Variants in ADAMTS2 observed in about 807,000 individuals in gnomAD.
ADAMTS2 encodes the protein A disintegrin and metalloproteinase with thrombospondin motifs 2.
A neutral mutation model predicts 123.0 loss-of-function variants in ADAMTS2; 50 were observed. That is an observed-to-expected ratio of 0.41 (90% CI 0.32 to 0.51). The LOEUF is 0.51. Among genes scored for constraint, ADAMTS2 ranks in the 20% least tolerant of loss-of-function variants. The probability of loss-of-function intolerance (pLI) is 0.35; values close to 1 mark genes in which losing one functional copy is unlikely to be tolerated. For missense variants in ADAMTS2, 1,494 were observed against 1,705.2 expected (o/e 0.88, Z 2.18); for synonymous variants, 678 against 695.4 (o/e 0.98, Z 0.39).
chr5:179,266,817 G>A (rs1193057231), intron 3 of ADAMTS2, among the ~76,000 whole-genome samples: 2 of 152,196 alleles, frequency 1.3e-5, no homozygotes, highest in African/African-American at 4.8e-5. Flanking sequence ...GTGTCAGTGG[G>A]GCTGGCTATC....
At chr5:179,139,080 C>G (rs1763115616) in intron 11 of ADAMTS2, among the ~76,000 whole-genome samples, 1 of 152,238 alleles carries the variant, frequency 6.6e-6, no homozygotes, top group African/African-American at 2.4e-5. Context: ...GACCGAAGCT[C>G]TGTGTGTCTA....
intron 3 of ADAMTS2, among the ~76,000 whole-genome samples, chr5:179,224,284 C>T (rs252067): frequency 0.8 from 122,322 of 152,098 alleles, 50,081 homozygotes; most frequent in East Asian, 0.99. Context: ...TCCCGGCACA[C>T]CCTGACATCC....
chr5:179,223,359 CAG>C (rs1477229540), intron 3 of ADAMTS2, among the ~76,000 whole-genome samples: 5 of 88,680 alleles, frequency 5.6e-5, no homozygotes, highest in East Asian at 2.0e-4. Context: ...CGAATGCACT[CAG>C]ACACTCACAA....
At chr5:179,300,254 G>T (rs950298098) in intron 2 of ADAMTS2, among the ~76,000 whole-genome samples, 1 of 152,060 alleles carries the variant, frequency 6.6e-6, no homozygotes, top group Non-Finnish European at 1.5e-5. Context: ...CTCGGGACTG[G>T]GACATGGACA....
Position 179,344,312 on chromosome 5 carries a change from C to T in ADAMTS2, c.140-151G>A, listed in dbSNP as rs1757874986. On this transcript the variant is annotated intron_variant, in intron 1 of 21. Transcript: ENST00000251582. ...ACCCCAGAAGCCAGCCTGCACCTCCCCGGCTTTCCTGCAACCGGGAAGGGG... is the reference window on the plus strand; with the variant it reads ...ACCCCAGAAGCCAGCCTGCACCTCCTCGGCTTTCCTGCAACCGGGAAGGGG... 3 of 1,047,584 alleles carry T rather than the reference C, an allele frequency of 2.9e-6. No homozygotes were observed. In the East Asian group the frequency reaches 7.8e-5, roughly 27 times the overall value. The allele number at this position is 1,047,584 out of a possible 1,614,324, so 64.9% of individuals were successfully genotyped here.
At chr5:179,304,340 C>T (rs963420835) in intron 2 of ADAMTS2, among the ~76,000 whole-genome samples, 1 of 152,160 alleles carries the variant, frequency 6.6e-6, no homozygotes, top group Non-Finnish European at 1.5e-5. Flanking sequence ...AATCTCAACT[C>T]CTCCAGGCAA....
rs909472373 is a variant in ADAMTS2 at position 179,202,178 on chromosome 5, GGCCT to G, written c.891+5331_891+5334del. ...CCACCTCTGGAAGACTGCGGCGGCC[GGCCT>G]TGCCGGCCCCGACTTCCCCTACCTG... On this transcript the variant is annotated intron_variant, in intron 4 of 21. Coordinates refer to ENST00000251582, the MANE Select transcript of ADAMTS2 (RefSeq NM_014244.5). This position sits in a 1 kb window ranked among gnomAD's most constrained non-coding sequence, Gnocchi z 4.0. 2.0e-5 allele frequency among the ~76,000 whole-genome samples: 3 copies of G among 152,000 alleles called. No homozygotes were observed. The highest frequency in any genetic ancestry group is 4.4e-5 in the Non-Finnish European group (3 of 67,910).
intron 4 of ADAMTS2, among the ~76,000 whole-genome samples, chr5:179,182,420 A>G (rs753648091): frequency 1.3e-4 from 20 of 152,188 alleles, no homozygotes; most frequent in Non-Finnish European, 2.4e-4. Flanking sequence ...CTGCACTCCA[A>G]TCTGTAGAGC....
At chr5:179,320,467 C>G (rs460892) in intron 2 of ADAMTS2, among the ~76,000 whole-genome samples, 69,072 of 146,356 alleles carry the variant, frequency 0.47, 17,844 homozygotes, top group Non-Finnish European at 0.57. Context: ...ACCACTACGC[C>G]TGGCTAATTT....
At chr5:179,127,073 G>A (rs1250211567) in intron 17 of ADAMTS2, among the ~76,000 whole-genome samples, 1 of 152,216 alleles carries the variant, frequency 6.6e-6, no homozygotes, top group African/African-American at 2.4e-5. Flanking sequence ...ATGACACCAG[G>A]AAGAGAGAGA....
chr5:179,181,216 C>A lies in ADAMTS2; in HGVS notation c.892-61G>T. The A allele has an allele frequency of 8.1e-7, 1 of 1,227,412 alleles. No individual in the cohort carries two copies. Among genetic ancestry groups the A allele is most frequent in the South Asian group, 1.2e-5 (1 of 83,084 alleles). 76.0% of individuals were successfully genotyped at this position (1,227,412 alleles called of 1,614,324 possible). ...GGCCCTAGGACTGGCTCTGGCTCTG[C>A]CAATGGGATGACCCCCACCTGCTCC... On this transcript the variant is annotated intron_variant, in intron 4 of 21. Transcript: ENST00000251582. The surrounding 1 kb of genome is among the most constrained non-coding windows in gnomAD (Gnocchi z 4.1).
At chr5:179,217,230 A>G (rs1012574287) in intron 3 of ADAMTS2, among the ~76,000 whole-genome samples, 3 of 152,270 alleles carry the variant, frequency 2.0e-5, no homozygotes, top group African/African-American at 4.8e-5. Flanking sequence ...GATGGATCTT[A>G]AAAACAGAGT....
rs369991930 is a variant in ADAMTS2, at chr5:179,170,727, G to A, written c.975+10345C>T. Among the ~76,000 whole-genome samples the A allele has an allele frequency of 9.9e-5, 15 of 152,204 alleles. No homozygotes were observed. The highest frequency in any genetic ancestry group is 1.6e-4 in the Non-Finnish European group (11 of 68,012). ...CTGCCACCCTGCTGTATTCCTTGCC[G>A]GTGCTCACCACTCTGTCGCTGTCTT... On this transcript the variant is annotated intron_variant, in intron 5 of 21. Coordinates refer to ENST00000251582, the MANE Select transcript of ADAMTS2 (RefSeq NM_014244.5). This position sits in a 1 kb window ranked among gnomAD's most constrained non-coding sequence, Gnocchi z 4.3.
intron 2 of ADAMTS2, among the ~76,000 whole-genome samples, 183 bp downstream of exon 2, chr5:179,343,584 A>T (rs1757842746): frequency 6.6e-6 from 1 of 152,230 alleles, no homozygotes; most frequent in Non-Finnish European, 1.5e-5. Context: ...TGCTCAGACC[A>T]GTCAAAACAA....
intron 2 of ADAMTS2, among the ~76,000 whole-genome samples, chr5:179,292,867 C>A (rs1756227294): frequency 1.3e-5 from 2 of 152,220 alleles, no homozygotes; most frequent in African/African-American, 4.8e-5. Context: ...TTCCAGGCCT[C>A]CAGCCCCAGC....
intron 2 of ADAMTS2, among the ~76,000 whole-genome samples, chr5:179,310,696 G>T (rs1326883233): frequency 6.6e-6 from 1 of 152,154 alleles, no homozygotes; most frequent in Non-Finnish European, 1.5e-5. Context: ...CTGCATTTTG[G>T]CAAGTTCCCA....
intron 3 of ADAMTS2, among the ~76,000 whole-genome samples, chr5:179,222,504 T>G (rs1239564488): frequency 2.6e-5 from 4 of 152,170 alleles, no homozygotes; most frequent in African/African-American, 9.7e-5. Flanking sequence ...GCAAAGGCCC[T>G]GCTTGCCGGG....
chr5:179,121,566 T>G, intron 21 of ADAMTS2, 95 bp downstream of exon 21: 8 of 1,055,530 alleles, frequency 7.6e-6, no homozygotes, highest in Non-Finnish European at 1.1e-5. Context: ...AGGGGAGCTT[T>G]CCATAGACAG....
At chr5:179,244,106 G>A (rs1186855502) in intron 3 of ADAMTS2, among the ~76,000 whole-genome samples, 3 of 151,428 alleles carry the variant, frequency 2.0e-5, no homozygotes, top group Non-Finnish European at 4.4e-5. Flanking sequence ...AGAAAAGATG[G>A]AAGAAACAGT....
Sources: gnomAD v4.1 joint callset for allele counts (sites outside exome capture counted in the v4.1 genomes callset) on GRCh38, gnomAD v4.1.1 for gene constraint, Gnocchi (gnomAD v3.1) non-coding constraint, MANE v1.5 for transcripts, NCBI Gene and HGNC (gene_info 2026-07-23, HGNC 2026-07-21) for gene names.